Variants in MSC observed in about 807,000 individuals in gnomAD.
MSC encodes the protein musculin.
MSC carries 16 observed loss-of-function variants against 14.4 expected under a neutral mutation model. That is an observed-to-expected ratio of 1.11 (90% CI 0.75 to 1.69). The LOEUF is 1.69. Ranked by LOEUF, MSC falls within the 40% of genes most tolerant of loss-of-function variation. The pLI is 0.00. For missense variants in MSC, 320 were observed against 288.1 expected, an observed-to-expected ratio of 1.11 and a Z score of -0.80; for synonymous variants, 165 against 128.5, an observed-to-expected ratio of 1.28 and a Z score of -1.92.
At chr8:71,843,291 C>A in intron 1 of MSC, 2 of 415,164 alleles carry the variant, frequency 4.8e-6, no homozygotes, top group Non-Finnish European at 9.0e-6. Flanking sequence ...CGATTCAAAC[C>A]TGCCCGACTC....
intron 1 of MSC, chr8:71,843,089 C>T: frequency 2.9e-6 from 1 of 348,686 alleles, no homozygotes; most frequent in Non-Finnish European, 5.5e-6. Context: ...CACAGTCATC[C>T]ACTCCAAGCT....
chr8:71,843,705 G>A lies in MSC; in HGVS notation c.474C>T (p.His158=), dbSNP rs1332681738. Residue 158 remains histidine, a synonymous_variant, in exon 1 of 2, where the codon CAC becomes CAT. Transcript: ENST00000325509. The stretch of plus-strand genomic sequence containing the variant: ...GGTCCTCCTGCAACAGCTGCCGCAG[G>A]TGAGCGATGTAACTGGAAGCCAGCC... ...TLRLASSYIA[H]LRQLLQEDRY... 5 of 1,614,128 alleles carry A rather than the reference G, an allele frequency of 3.1e-6. No individual in the cohort carries two copies. In the Admixed American group the frequency reaches 8.3e-5, roughly 27 times the overall value.
Position 71,844,201 on chromosome 8 carries a change from C to A in MSC, c.-23G>T, listed in dbSNP as rs752813258. On this transcript the variant is annotated 5_prime_UTR_variant, in exon 1 of 2. Coordinates refer to ENST00000325509, the MANE Select transcript of MSC (RefSeq NM_005098.4). ...CATCCCGTTGTCCCCCTTGCCCACA[C>A]GCGTCCTCTTTCCTCCCCCCTGGCC... 12 of 1,596,352 alleles carry A rather than the reference C, an allele frequency of 7.5e-6. No individual in the cohort carries two copies. Among genetic ancestry groups the A allele is most frequent in the Non-Finnish European group, 1.0e-5 (12 of 1,170,590 alleles).
At chr8:71,843,613 C>G (rs766361841) in intron 1 of MSC, 32 bp downstream of exon 1, 1 of 1,613,976 alleles carries the variant, frequency 6.2e-7, no homozygotes, top group Non-Finnish European at 8.5e-7. Flanking sequence ...CTCCTGGCTG[C>G]TCTCCCGAAT....
At chr8:71,843,407 T>A (rs1347003622) in intron 1 of MSC, 7 of 618,320 alleles carry the variant, frequency 1.1e-5, no homozygotes, top group Non-Finnish European at 1.7e-5. Flanking sequence ...AGTCAATGGC[T>A]GTCACTGGGG....
chr8:71,843,593 C>T (rs1230161011), intron 1 of MSC, 52 bp downstream of exon 1: 2 of 1,612,510 alleles, frequency 1.2e-6, no homozygotes, highest in African/African-American at 1.3e-5. Flanking sequence ...CCCAGGAGCG[C>T]CCTGGGTATC....
chr8:71,844,107 G>T lies in MSC; in HGVS notation c.72C>A (p.Pro24=). 2.0e-6 allele frequency: 3 copies of T among 1,521,960 alleles called. No individual in the cohort carries two copies. Among genetic ancestry groups the T allele is most frequent in the Non-Finnish European group, 2.6e-6 (3 of 1,136,156 alleles). 94.3% of individuals were successfully genotyped at this position (1,521,960 alleles called of 1,614,324 possible). The change falls in exon 1 of 2, where the codon CCC becomes CCA. Residue 24 remains proline, a synonymous_variant. Transcript: ENST00000325509. ...LRGLQREYPV[P]ASKRPPLRGV... ...CGCGGAGGGGCGGCCTCTTGGAGGCGGGGACCGGGTACTCCCGCTGCAGCC... is the reference window on the plus strand; with the variant it reads ...CGCGGAGGGGCGGCCTCTTGGAGGCTGGGACCGGGTACTCCCGCTGCAGCC...
At position 71,842,152 on chromosome 8, in the gene MSC, CTTT is replaced by C. The variant is rs1377360723; in HGVS notation, c.*506_*508del. ...CGGCCCAGAGAAGCCACTCGCCCTTCTTTGTCACTTAAAACCCTGTCCCGACGC... is the reference window on the plus strand; with the variant it reads ...CGGCCCAGAGAAGCCACTCGCCCTTCGTCACTTAAAACCCTGTCCCGACGC... On this transcript the variant is annotated 3_prime_UTR_variant, in exon 2 of 2. Coordinates refer to ENST00000325509, the MANE Select transcript of MSC (RefSeq NM_005098.4). 1 of 169,466 alleles carries C rather than the reference CTTT, an allele frequency of 5.9e-6. No homozygotes were observed. The highest frequency in any genetic ancestry group is 1.3e-5 in the Non-Finnish European group (1 of 76,988). The allele number at this position is 169,466 out of a possible 1,614,324, so 10.5% of individuals were successfully genotyped here.
chr8:71,843,031 AACAC>A (rs569519706), intron 1 of MSC: 3,486 of 267,834 alleles, frequency 0.013, 20 homozygotes, highest in Non-Finnish European at 0.017. Flanking sequence ...TCCCTTCCCC[AACAC>A]ACACACACAC....
At chr8:71,843,468 G>A (rs1230961620) in intron 1 of MSC, 177 bp downstream of exon 1, 2 of 791,432 alleles carry the variant, frequency 2.5e-6, no homozygotes, top group East Asian at 2.7e-5. Flanking sequence ...TTCTTCTTCA[G>A]GGAAATGGCT....
In MSC at chr8:71,843,664, T is replaced by C. The variant is rs763018117; in HGVS notation, c.515A>G (p.Tyr172Cys). The C allele has an allele frequency of 6.2e-7, 1 of 1,614,222 alleles. No individual in the cohort carries two copies. The highest frequency in any genetic ancestry group is 1.3e-5 in the African/African-American group (1 of 75,078). The stretch of plus-strand genomic sequence containing the variant: ...CCCTACCAGGTTCACTGGGTGCACG[T>C]AGCCGTTCTCATAGCGGTCCTCCTG... ...LLQEDRYENGYVHPVNLTWPF... is the reference protein window; with the variant it reads ...LLQEDRYENGCVHPVNLTWPF... Residue 172 changes from tyrosine to cysteine, a missense_variant, in exon 1 of 2, where the codon TAC becomes TGC. By Grantham distance (194) the Tyr-to-Cys change is radical. Coordinates refer to ENST00000325509, the MANE Select transcript of MSC (RefSeq NM_005098.4).
In MSC at chr8:71,844,041, C is replaced by G. The variant is rs1022264155; in HGVS notation, c.138G>C (p.Ser46=). Residue 46 remains serine, a synonymous_variant, in exon 1 of 2, where the codon TCG becomes TCC. Transcript: ENST00000325509. The part of the protein sequence containing the change: ...RSYASPSDNS[S]AEEEDPDGEE... ...CGCCGTCGGGGTCCTCCTCCTCTGC[C>G]GACGAGTTGTCACTGGGCGAGGCGT... is the stretch of plus-strand genomic sequence containing the variant. The G allele has an allele frequency of 4.5e-6, 7 of 1,565,304 alleles. No homozygotes were observed. The highest frequency in any genetic ancestry group is 1.4e-5 in the African/African-American group (1 of 73,390).
rs756041073 is a variant in MSC at position 71,844,152 on chromosome 8, CG to C, written c.26del (p.Pro9ArgfsTer26). The C allele has an allele frequency of 6.5e-7, 1 of 1,546,178 alleles. No homozygotes were observed. Among genetic ancestry groups the C allele is most frequent in the Admixed American group, 2.0e-5 (1 of 50,928 alleles). MSTGSVSD[P>X]EEMELRGLQR... ...GCAGCCCCCGAAGCTCCATCTCCTC[CG>C]GATCACTCACCGAGCCCGTGGACAT... On this transcript the variant is annotated frameshift_variant, in exon 1 of 2. Transcript: ENST00000325509. LOFTEE classifies it high-confidence loss of function.
intron 1 of MSC, chr8:71,843,076 ACACACAGTCATCCACT>A: frequency 2.8e-6 from 1 of 358,198 alleles, no homozygotes. Context: ...ACACACACAC[ACACACAGTCATCCACT>A]CCAAGCTCCA....
intron 1 of MSC, chr8:71,843,046 ACACG>A (rs59790493): frequency 0.15 from 35,163 of 238,288 alleles, 3,264 homozygotes; most frequent in African/African-American, 0.36. Flanking sequence ...ACACACACAC[ACACG>A]CACACACACA....
Position 71,842,477 on chromosome 8 carries a change from C to T in MSC, c.*184G>A. On this transcript the variant is annotated 3_prime_UTR_variant, in exon 2 of 2. Coordinates refer to ENST00000325509, the MANE Select transcript of MSC (RefSeq NM_005098.4). ...TCGCCCAGATCCGGCGCAGCTGTAG[C>T]CGTGGGCGCTGTGCAGTGACAGCCA... 2 of 665,004 alleles carry T rather than the reference C, an allele frequency of 3.0e-6. No homozygotes were observed. The highest frequency in any genetic ancestry group is 5.4e-6 in the Non-Finnish European group (2 of 370,238). The allele number at this position is 665,004 out of a possible 1,614,324, so 41.2% of individuals were successfully genotyped here.
rs772852157 is a variant in MSC at position 71,843,968 on chromosome 8, T to A, written c.211A>T (p.Lys71Ter). ...LGTAGSAEGC[K>*]RKRPRVAGGG... ...CCAGCCACACGGGGCCGCTTCCTCTTGCAGCCTTCCGCGCTGCCGGCTGTG... is the reference window on the plus strand; with the variant it reads ...CCAGCCACACGGGGCCGCTTCCTCTAGCAGCCTTCCGCGCTGCCGGCTGTG... The change falls in exon 1 of 2, where the codon AAG becomes TAG. Residue 71 changes from lysine to a stop codon, truncating the protein, a stop_gained. Transcript: ENST00000325509. LOFTEE classifies it high-confidence loss of function. The A allele has an allele frequency of 1.3e-6, 2 of 1,561,754 alleles. No homozygotes were observed. The highest frequency in any genetic ancestry group is 1.2e-5 in the South Asian group (1 of 86,140).
rs112401915 is a variant in MSC at position 71,842,263 on chromosome 8, G to T, written c.*398C>A. 1 of 246,142 alleles carries T rather than the reference G, an allele frequency of 4.1e-6. No homozygotes were observed. The allele number at this position is 246,142 out of a possible 1,614,324, so 15.2% of individuals were successfully genotyped here. A position where few individuals can be genotyped will look rare whatever the true frequency, so the allele number is the denominator to read the frequency against. On this transcript the variant is annotated 3_prime_UTR_variant, in exon 2 of 2. Coordinates refer to ENST00000325509, the MANE Select transcript of MSC (RefSeq NM_005098.4). ...CCCTAACCATTGTGTCACCGCGAAA[G>T]GCCGGGGCTGTGTGGAACCGTCCCG...
chr8:71,843,035 C>G, intron 1 of MSC: 1 of 288,092 alleles, frequency 3.5e-6, no homozygotes. Flanking sequence ...TTCCCCAACA[C>G]ACACACACAC....
Sources: allele counts gnomAD v4.1 joint callset, GRCh38; gene constraint gnomAD v4.1.1; transcripts MANE v1.5; gene names NCBI Gene and HGNC (gene_info 2026-07-23, HGNC 2026-07-21).